Variants in GCNT2 observed in about 807,000 individuals in gnomAD.
GCNT2 encodes the protein N-acetyllactosaminide beta-1,6-N-acetylglucosaminyl-transferase.
In GCNT2, 34 loss-of-function variants were observed where a neutral mutation model predicts 34.2. The ratio of observed to expected loss-of-function variants is 1.00; its 90% confidence interval spans 0.76 to 1.32. GCNT2 has a LOEUF of 1.32. Among genes scored for constraint, GCNT2 ranks in the 40% most tolerant of loss-of-function variants. The pLI is 0.00. For missense variants in GCNT2, 584 were observed against 489.4 expected (o/e 1.19, Z -1.82); for synonymous variants, 212 against 188.0 (o/e 1.13, Z -1.04).
chr6:10,611,223 T>C (rs1320398140), intron 3 of GCNT2, among the ~76,000 whole-genome samples: 2 of 150,304 alleles, frequency 1.3e-5, no homozygotes, highest in African/African-American at 2.4e-5. Context: ...CCATGTCTAT[T>C]TGAAAAAAAA....
Position 10,628,216 on chromosome 6 carries a change from A to C in GCNT2, c.*1609A>C, listed in dbSNP as rs1376658953. 1 of 152,660 alleles carries C rather than the reference A, an allele frequency of 6.6e-6. No individual in the cohort carries two copies. The highest frequency in any genetic ancestry group is 1.9e-4 in the East Asian group (1 of 5,202). The allele number at this position is 152,660 out of a possible 1,614,324, so 9.5% of individuals were successfully genotyped here. On this transcript the variant is annotated 3_prime_UTR_variant, in exon 5 of 5. Transcript: ENST00000495262. ...GAGAAAAAGTCCTGTCAGTTCAGAA[A>C]AAATGTGAAGTCTACTTTAGTATTC...
At chr6:10,597,412 C>T (rs534001879) in intron 3 of GCNT2, among the ~76,000 whole-genome samples, 15 of 152,082 alleles carry the variant, frequency 9.9e-5, no homozygotes, top group African/African-American at 2.9e-4. Context: ...GCCTCAGCCC[C>T]CCAGAGTGCT....
Position 10,533,554 on chromosome 6 carries a change from G to A in GCNT2, c.925+3718G>A, listed in dbSNP as rs1761599156. On this transcript the variant is annotated intron_variant, in intron 3 of 4. Transcript: ENST00000495262. ...TGTAATCCCAGCACTTTGGGGAGCC[G>A]AGGTGGGCGGATCACTTGAGGTCAG... 3.9e-5 allele frequency among the ~76,000 whole-genome samples: 6 copies of A among 151,972 alleles called. 2 individuals carry two copies. The South Asian group carries it at 1.2e-3, about 32-fold the overall frequency.
chr6:10,537,699 A>C (rs1239047335), intron 3 of GCNT2, among the ~76,000 whole-genome samples: 22 of 15,460 alleles, frequency 1.4e-3, no homozygotes, highest in African/African-American at 2.0e-3. Context: ...ATTCTGCCGC[A>C]AAAAAAAAAA....
intron 3 of GCNT2, among the ~76,000 whole-genome samples, chr6:10,608,147 G>A (rs1299148081): frequency 6.8e-6 from 1 of 146,510 alleles, no homozygotes. Flanking sequence ...GCACGATCTC[G>A]GCTCACTGCA....
At chr6:10,600,055 A>G (rs1765030135) in intron 3 of GCNT2, among the ~76,000 whole-genome samples, 1 of 152,260 alleles carries the variant, frequency 6.6e-6, no homozygotes, top group Non-Finnish European at 1.5e-5. Context: ...TCTGTGTTGC[A>G]TGATTTAGCA....
At chr6:10,561,940 T>G (rs372806529) in intron 3 of GCNT2, among the ~76,000 whole-genome samples, 8 of 152,312 alleles carry the variant, frequency 5.3e-5, no homozygotes, top group East Asian at 3.9e-4. Context: ...ATTTTGCTTT[T>G]TAAACTGTGA....
At chr6:10,587,377 G>A (rs1222699856) in intron 3 of GCNT2, among the ~76,000 whole-genome samples, 2 of 152,192 alleles carry the variant, frequency 1.3e-5, no homozygotes, top group Non-Finnish European at 2.9e-5. Flanking sequence ...AATCTTGGAA[G>A]CTGCTTCGGA....
chr6:10,530,220 C>T (rs866942111), intron 3 of GCNT2: 8 of 193,006 alleles, frequency 4.1e-5, no homozygotes, highest in Middle Eastern at 2.6e-3. Context: ...AAAAAATTAG[C>T]CAGGCGTGGT....
intron 3 of GCNT2, among the ~76,000 whole-genome samples, chr6:10,619,014 A>G (rs2127443091): frequency 1.3e-5 from 2 of 152,310 alleles, no homozygotes; most frequent in South Asian, 4.1e-4. Flanking sequence ...TATAATCATC[A>G]TATGACATCA....
chr6:10,561,362 G>C (rs1037482554), intron 3 of GCNT2, among the ~76,000 whole-genome samples: 1 of 152,066 alleles, frequency 6.6e-6, no homozygotes, highest in Admixed American at 6.5e-5. Context: ...GGGTTTCTCC[G>C]TGTTGGTCAG....
chr6:10,583,925 T>C (rs1390636245), intron 3 of GCNT2, among the ~76,000 whole-genome samples: 8 of 152,084 alleles, frequency 5.3e-5, no homozygotes, highest in Non-Finnish European at 1.2e-4. Flanking sequence ...CAAACTTAGG[T>C]GTGTTTGATG....
chr6:10,626,029 G>A (rs1766241186), intron 4 of GCNT2, among the ~76,000 whole-genome samples: 1 of 152,070 alleles, frequency 6.6e-6, no homozygotes. Context: ...TTGACTTCGG[G>A]TAGCTGAAAC....
Position 10,601,943 on chromosome 6 carries a change from G to GA in GCNT2, c.926-19391dup, listed in dbSNP as rs57927445. 5.5e-3 allele frequency among the ~76,000 whole-genome samples: 625 copies of GA among 113,016 alleles called. 3 individuals carry two copies. The highest frequency in any genetic ancestry group is 9.8e-3 in the East Asian group (41 of 4,170). The allele number at this position is 113,016 out of a possible 152,430, so 74.1% of individuals were successfully genotyped here. On this transcript the variant is annotated intron_variant, in intron 3 of 4. Coordinates refer to ENST00000495262, the MANE Select transcript of GCNT2 (RefSeq NM_145649.5). ...GCAACAGAGCGAGACTCCATCTCAA[G>GA]AAAAAAAAAAAAAAAAACAAAAAAA... is the stretch of plus-strand genomic sequence containing the variant.
intron 3 of GCNT2, among the ~76,000 whole-genome samples, chr6:10,531,874 C>CTTTTTTTT (rs71548846): frequency 7.7e-6 from 1 of 129,586 alleles, no homozygotes. Context: ...CCAATCCCCA[C>CTTTTTTTT]TTTTTTTTTT....
rs569693 is a variant in GCNT2, at chr6:10,585,773, A to C, written c.926-35578A>C. The C allele has an allele frequency of 0.16, 234,448 of 1,422,072 alleles. 24,091 individuals carry two copies. The highest frequency in any genetic ancestry group is 0.48 in the African/African-American group (33,348 of 69,340). 88.1% of individuals were successfully genotyped at this position (1,422,072 alleles called of 1,614,324 possible). A position where few individuals can be genotyped will look rare whatever the true frequency, so the allele number is the denominator to read the frequency against. ...CCCTGGGGAACTGCAGACCAAAGTG[A>C]GAGAGGGACGCACCGCATCTCCAGG... On this transcript the variant is annotated intron_variant, in intron 3 of 4. Coordinates refer to ENST00000495262, the MANE Select transcript of GCNT2 (RefSeq NM_145649.5).
chr6:10,612,212 C>A (rs940714652), intron 3 of GCNT2, among the ~76,000 whole-genome samples: 1 of 152,140 alleles, frequency 6.6e-6, no homozygotes, highest in Non-Finnish European at 1.5e-5. Flanking sequence ...GTCTTGAACT[C>A]CTGACCTCAG....
chr6:10,565,694 TTGGTAAATTCTTCC>T (rs1229385189), intron 3 of GCNT2, among the ~76,000 whole-genome samples: 12 of 152,210 alleles, frequency 7.9e-5, no homozygotes, highest in East Asian at 3.8e-4. Flanking sequence ...TACAACAGTC[TTGGTAAATTCTTCC>T]TGGTAAATTC....
intron 3 of GCNT2, among the ~76,000 whole-genome samples, chr6:10,562,668 AAAAAAAAAAC>A (rs1763052718): frequency 6.6e-6 from 1 of 150,808 alleles, no homozygotes; most frequent in Admixed American, 6.6e-5. Context: ...AAAAAAAAAA[AAAAAAAAAAC>A]AAAAAAAAAC....
Sources: allele counts gnomAD v4.1 joint callset (sites outside exome capture counted in the v4.1 genomes callset), GRCh38; gene constraint gnomAD v4.1.1; transcripts MANE v1.5; gene names NCBI Gene and HGNC (gene_info 2026-07-23, HGNC 2026-07-21).